The following ASAP1 variants were observed in gnomAD, a reference collection of about 807,000 sequenced individuals.
ASAP1 encodes ArfGAP with SH3 domain, ankyrin repeat and PH domain 1, also known as arf-GAP with SH3 domain, ANK repeat and PH domain-containing protein 1.
ASAP1 carries 43 observed loss-of-function variants against 145.2 expected under a neutral mutation model. The ratio of observed to expected loss-of-function variants is 0.30; its 90% CI spans 0.23 to 0.38. ASAP1 has a LOEUF of 0.38. ASAP1 is among the 10% of genes least tolerant of loss of function. ASAP1 has a pLI of 1.00. For synonymous variants in ASAP1, 546 were observed against 515.5 expected (o/e 1.06, Z -0.80); for missense variants, 1,018 against 1,355.3 (o/e 0.75, Z 3.91).
intron 3 of ASAP1, among the ~76,000 whole-genome samples, chr8:130,267,123 C>CAAAAAA (rs759131217): frequency 1.9e-5 from 2 of 104,188 alleles, no homozygotes; most frequent in Non-Finnish European, 4.5e-5. Flanking sequence ...AACAAACAAA[C>CAAAAAA]AAAAAAAAAA....
At chr8:130,100,553 C>A (rs2097526993) in intron 24 of ASAP1, among the ~76,000 whole-genome samples, 1 of 151,940 alleles carries the variant, frequency 6.6e-6, no homozygotes, top group Non-Finnish European at 1.5e-5. Context: ...GGTCTCGAAG[C>A]CCTGACCTCA....
intron 5 of ASAP1, chr8:130,195,299 G>GA (rs1815405936): frequency 6.6e-6 from 1 of 150,842 alleles, no homozygotes; most frequent in Non-Finnish European, 1.5e-5. Context: ...AATTGGCGGG[G>GA]GCCAAGGTGT....
At chr8:130,337,319 C>T (rs1462969421) in intron 3 of ASAP1, among the ~76,000 whole-genome samples, 1 of 152,206 alleles carries the variant, frequency 6.6e-6, no homozygotes, top group African/African-American at 2.4e-5. Context: ...ATCACTCTAT[C>T]ACTCATATTA....
chr8:130,231,171 A>AT (rs1817889637), intron 4 of ASAP1, among the ~76,000 whole-genome samples: 1 of 152,164 alleles, frequency 6.6e-6, no homozygotes, highest in Non-Finnish European at 1.5e-5. Context: ...AACACCACAC[A>AT]TTTTTTGCCT....
chr8:130,198,717 A>T (rs566557410), intron 5 of ASAP1, among the ~76,000 whole-genome samples: 153 of 152,330 alleles, frequency 1.0e-3, no homozygotes, highest in South Asian at 2.5e-3. Flanking sequence ...AAGGTCAAAC[A>T]GTGAGTAAAG....
intron 3 of ASAP1, among the ~76,000 whole-genome samples, chr8:130,270,475 A>C (rs1820521093): frequency 6.6e-6 from 1 of 152,218 alleles, no homozygotes; most frequent in Non-Finnish European, 1.5e-5. Flanking sequence ...TCCCTCATTT[A>C]AAAGGTTAAT....
chr8:130,135,319 T>C (rs914097391), intron 14 of ASAP1, among the ~76,000 whole-genome samples: 5 of 152,064 alleles, frequency 3.3e-5, no homozygotes, highest in African/African-American at 1.2e-4. Context: ...AGACCCTGCC[T>C]CTAGACAAAA....
chr8:130,361,171 T>C (rs886659919), intron 2 of ASAP1: 2 of 166,060 alleles, frequency 1.2e-5, no homozygotes, highest in African/African-American at 2.4e-5. Flanking sequence ...TCTGGCATTA[T>C]AGTAAAGACT....
chr8:130,117,409 G>C (rs2097557992), intron 20 of ASAP1, among the ~76,000 whole-genome samples: 1 of 152,160 alleles, frequency 6.6e-6, no homozygotes, highest in African/African-American at 2.4e-5. Flanking sequence ...CCAATGTTTT[G>C]AGCCACTATG....
chr8:130,430,700 G>A (rs1319440706), intron 1 of ASAP1, among the ~76,000 whole-genome samples: 1 of 152,212 alleles, frequency 6.6e-6, no homozygotes, highest in African/African-American at 2.4e-5. Flanking sequence ...ACCCGAGGCA[G>A]GAACTGTGGG....
rs181570163 is a variant in ASAP1, at chr8:130,124,772, G to T, written c.1516-668C>A. Among the ~76,000 whole-genome samples, 184 of 152,232 alleles carry T rather than the reference G, an allele frequency of 1.2e-3. 1 individual carries two copies. The highest frequency in any genetic ancestry group is 4.1e-3 in the African/African-American group (171 of 41,534). ...GGAAAAAGTCTTGGGTTTATTGCAT[G>T]GCAAACGTTTAGGATTTGGACTTTC... On this transcript the variant is annotated intron_variant, in intron 17 of 29. Coordinates refer to ENST00000518721, the MANE Select transcript of ASAP1 (RefSeq NM_018482.4).
intron 3 of ASAP1, chr8:130,340,695 C>T: frequency 3.4e-6 from 1 of 292,494 alleles, no homozygotes. Flanking sequence ...CACCATATAA[C>T]AGTTGTGCAA....
At chr8:130,288,567 A>C (rs1821759613) in intron 3 of ASAP1, among the ~76,000 whole-genome samples, 1 of 152,224 alleles carries the variant, frequency 6.6e-6, no homozygotes, top group Non-Finnish European at 1.5e-5. Context: ...TCCATTAAAC[A>C]AATGTGTTAA....
chr8:130,373,290 T>G (rs956847377), intron 2 of ASAP1, among the ~76,000 whole-genome samples: 2 of 152,144 alleles, frequency 1.3e-5, no homozygotes, highest in African/African-American at 4.8e-5. Context: ...CCTCTGAGCT[T>G]TCACTTGCTC....
intron 1 of ASAP1, among the ~76,000 whole-genome samples, chr8:130,409,092 T>C (rs917190567): frequency 2.0e-5 from 3 of 152,020 alleles, no homozygotes; most frequent in Admixed American, 6.6e-5. Context: ...TGAAACCCCA[T>C]CTCTACTAAA....
At chr8:130,281,199 C>A (rs772927299) in intron 3 of ASAP1, among the ~76,000 whole-genome samples, 1 of 152,078 alleles carries the variant, frequency 6.6e-6, no homozygotes, top group Non-Finnish European at 1.5e-5. Context: ...ATGATATGTA[C>A]CCCCTCACAA....
chr8:130,313,505 T>C (rs1461648134), intron 3 of ASAP1, among the ~76,000 whole-genome samples: 1 of 152,190 alleles, frequency 6.6e-6, no homozygotes, highest in Non-Finnish European at 1.5e-5. Flanking sequence ...ACTGTAGGGT[T>C]ATCTGCCGAG....
chr8:130,170,147 C>G (rs1813485093), intron 9 of ASAP1, among the ~76,000 whole-genome samples: 1 of 152,004 alleles, frequency 6.6e-6, no homozygotes, highest in Non-Finnish European at 1.5e-5. Flanking sequence ...GGGCCCAACA[C>G]AAAGCAGACT....
chr8:130,174,746 A>G (rs1289287818), intron 9 of ASAP1, among the ~76,000 whole-genome samples: 2 of 152,234 alleles, frequency 1.3e-5, no homozygotes, highest in Non-Finnish European at 2.9e-5. Context: ...TAGTGAACAT[A>G]TGCCATCTTT....
Sources: allele counts gnomAD v4.1 joint callset (sites outside exome capture counted in the v4.1 genomes callset), GRCh38; gene constraint gnomAD v4.1.1; transcripts MANE v1.5; gene names NCBI Gene and HGNC (gene_info 2026-07-23, HGNC 2026-07-21).